The following SDK1 variants were observed in gnomAD, a reference collection of about 807,000 sequenced individuals.
SDK1 encodes protein sidekick-1.
Under a neutral mutation model 245.5 loss-of-function variants are expected in SDK1, and 157 were observed. That is an observed-to-expected ratio of 0.64 (90% CI 0.56 to 0.73). The LOEUF (loss-of-function observed/expected upper bound fraction) is 0.73. Ranked by LOEUF, SDK1 falls within the 30% of genes least tolerant of loss-of-function variation. The pLI is 0.00. For synonymous variants in SDK1, 1,647 were observed against 1,278.5 expected, an observed-to-expected ratio of 1.29 and a Z score of -6.15; for missense variants, 3,583 against 3,002.3, an observed-to-expected ratio of 1.19 and a Z score of -4.52.
intron 1 of SDK1, among the ~76,000 whole-genome samples, chr7:3,479,136 A>C (rs1359001187): frequency 2.0e-5 from 3 of 152,180 alleles, no homozygotes; most frequent in Admixed American, 2.0e-4. Flanking sequence ...TCTATTGTTC[A>C]GGCTGGGTGT....
intron 5 of SDK1, among the ~76,000 whole-genome samples, chr7:3,831,061 G>C (rs1269628409): frequency 1.3e-5 from 2 of 152,088 alleles, no homozygotes; most frequent in Admixed American, 1.3e-4. Flanking sequence ...TGAAAGATAA[G>C]GAATTTTTGG....
rs561146677 is a variant in SDK1 at position 4,131,681 on chromosome 7, C to T, written c.4130-644C>T. ...AAATGTATTTTATGAGGGCCACAAC[C>T]CTATTATTCAGCAGTTCCACCACAC... On this transcript the variant is annotated intron_variant, in intron 27 of 44. Transcript: ENST00000404826. Among the ~76,000 whole-genome samples the T allele has an allele frequency of 1.5e-3, 224 of 152,204 alleles. 2 individuals carry two copies. Among genetic ancestry groups the T allele is most frequent in the African/African-American group, 5.0e-3 (206 of 41,522 alleles).
chr7:3,481,172 A>G (rs941084539), intron 1 of SDK1, among the ~76,000 whole-genome samples: 6 of 152,156 alleles, frequency 3.9e-5, no homozygotes, highest in African/African-American at 1.4e-4. Flanking sequence ...TTAAGAGGCA[A>G]TTTAAAAAGT....
chr7:3,641,626 C>G (rs1281395340), intron 3 of SDK1, among the ~76,000 whole-genome samples: 1 of 152,218 alleles, frequency 6.6e-6, no homozygotes, highest in Non-Finnish European at 1.5e-5. Context: ...TCTGAGAAAA[C>G]TGCTTCACGT....
intron 1 of SDK1, among the ~76,000 whole-genome samples, chr7:3,397,909 T>C (rs374917438): frequency 1.3e-5 from 2 of 152,100 alleles, no homozygotes; most frequent in Non-Finnish European, 2.9e-5. Context: ...CTGCCATATA[T>C]GAGTCTGATT....
intron 4 of SDK1, among the ~76,000 whole-genome samples, chr7:3,655,792 A>C (rs1486729583): frequency 3.9e-5 from 6 of 151,904 alleles, no homozygotes; most frequent in Admixed American, 3.9e-4. Context: ...CTAGATCGAG[A>C]CTCAGAAAAC....
rs775983773 is a variant in SDK1, at chr7:4,114,229, G to A, written c.3778G>A (p.Ala1260Thr). The change falls in exon 25 of 45, where the codon GCT becomes ACT. Residue 1260 changes from alanine (A) to threonine (T), a missense_variant. Coordinates refer to ENST00000404826, the MANE Select transcript of SDK1 (RefSeq NM_152744.4). ...LQMQAFNAVG[A>T]GPWSEVVRGR... ...GATGCAGGCCTTCAACGCCGTCGGGGCTGGGCCGTGGAGCGAGGTGGTGCG... is the reference window on the plus strand; with the variant it reads ...GATGCAGGCCTTCAACGCCGTCGGGACTGGGCCGTGGAGCGAGGTGGTGCG... 1 of 1,612,898 alleles carries A rather than the reference G, an allele frequency of 6.2e-7. No homozygotes were observed. The highest frequency in any genetic ancestry group is 1.7e-5 in the Admixed American group (1 of 59,996).
intron 22 of SDK1, among the ~76,000 whole-genome samples, chr7:4,088,852 T>G (rs1398677848): frequency 1.3e-5 from 2 of 152,224 alleles, no homozygotes; most frequent in Non-Finnish European, 2.9e-5. Context: ...AAACACAGTT[T>G]GGATTGAGCT....
At chr7:3,930,905 G>A (rs796686648) in intron 5 of SDK1, among the ~76,000 whole-genome samples, 24 of 152,314 alleles carry the variant, frequency 1.6e-4, no homozygotes, top group African/African-American at 5.5e-4. Flanking sequence ...TGTATTTTCA[G>A]CATCAGTTAG....
Position 4,178,482 on chromosome 7 carries a change from C to A in SDK1, c.4997-3C>A, listed in dbSNP as rs760122054. ...CTGATCCATATTTCCTTCAACCCTG[C>A]AGATTTAAAGAAGTACCGGCGCTAT... On this transcript the variant is annotated splice_polypyrimidine_tract_variant and splice_region_variant and intron_variant, in intron 34 of 44. Transcript: ENST00000404826. 1.2e-6 allele frequency: 2 copies of A among 1,607,704 alleles called. No individual in the cohort carries two copies. The highest frequency in any genetic ancestry group is 8.5e-7 in the Non-Finnish European group (1 of 1,174,212).
intron 1 of SDK1, among the ~76,000 whole-genome samples, chr7:3,560,623 C>G (rs1779718815): frequency 2.0e-5 from 3 of 152,178 alleles, no homozygotes. Flanking sequence ...CCAGTCTCCA[C>G]ACAGCGTTGG....
At chr7:4,197,216 C>T (rs1319894606) in intron 35 of SDK1, among the ~76,000 whole-genome samples, 1 of 151,882 alleles carries the variant, frequency 6.6e-6, no homozygotes, top group Admixed American at 6.6e-5. Context: ...GCCATCCCAG[C>T]ACTTTGGGAG....
Position 4,265,146 on chromosome 7 carries a change from A to C in SDK1, c.6404A>C (p.Asp2135Ala). Residue 2135 changes from aspartate (D) to alanine (A), a missense_variant, in exon 45 of 45, where the codon GAC becomes GCC. By Grantham distance (126) the Asp-to-Ala change is moderately radical. Coordinates refer to ENST00000404826, the MANE Select transcript of SDK1 (RefSeq NM_152744.4). ...ESEATDSDYE[D>A]ALPKHSFVNH... ...CAGGCCACGGACTCTGACTACGAGG[A>C]CGCGCTGCCCAAGCACTCCTTCGTG... 6.2e-7 allele frequency: 1 copy of C among 1,612,226 alleles called. No homozygotes were observed. The highest frequency in any genetic ancestry group is 2.2e-5 in the East Asian group (1 of 44,856).
intron 1 of SDK1, among the ~76,000 whole-genome samples, chr7:3,531,474 C>G (rs1206792370): frequency 6.6e-6 from 1 of 152,136 alleles, no homozygotes; most frequent in African/African-American, 2.4e-5. Context: ...GACTTTTTCA[C>G]TGAGACCCCA....
intron 1 of SDK1, among the ~76,000 whole-genome samples, chr7:3,362,745 C>G (rs1211844159): frequency 1.3e-5 from 2 of 151,982 alleles, no homozygotes; most frequent in Non-Finnish European, 2.9e-5. Flanking sequence ...AGTTTTCTTC[C>G]CGGAAGACAT....
At position 3,972,578 on chromosome 7, in the gene SDK1, C is replaced by G. The variant is rs567115395; in HGVS notation, c.1817+1010C>G. Among the ~76,000 whole-genome samples, 11 of 152,292 alleles carry G rather than the reference C, an allele frequency of 7.2e-5. 1 individual carries two copies. The South Asian group carries it at 1.5e-3, about 20-fold the overall frequency. ...GCCTTGAAAATAAAAAAGGAAATAT[C>G]CAGTCATCAGAGTATTTCCACTCTG... is the stretch of plus-strand genomic sequence containing the variant. On this transcript the variant is annotated intron_variant, in intron 12 of 44. Coordinates refer to ENST00000404826, the MANE Select transcript of SDK1 (RefSeq NM_152744.4).
intron 25 of SDK1, among the ~76,000 whole-genome samples, chr7:4,124,705 A>G (rs925100862): frequency 6.6e-6 from 1 of 152,250 alleles, no homozygotes; most frequent in African/African-American, 2.4e-5. Context: ...ATTAAATGTC[A>G]TAGGTTGCAT....
chr7:3,667,556 A>G (rs1770704829), intron 4 of SDK1, among the ~76,000 whole-genome samples: 1 of 152,222 alleles, frequency 6.6e-6, no homozygotes, highest in Non-Finnish European at 1.5e-5. Flanking sequence ...TAAAATATAA[A>G]ATAGTTCTAT....
Position 3,498,140 on chromosome 7 carries a change from T to C in SDK1, c.299-120940T>C. 1.3e-5 allele frequency among the ~76,000 whole-genome samples: 2 copies of C among 152,212 alleles called. 1 individual carries two copies. The highest frequency in any genetic ancestry group is 3.8e-4 in the East Asian group (2 of 5,196). ...TTTATTCTTAAAACTAATTTGGGCC[T>C]CTTTGTAAAATTCAGCCAACTTCTT... On this transcript the variant is annotated intron_variant, in intron 1 of 44. Transcript: ENST00000404826.
Sources: gnomAD v4.1 joint callset for allele counts (sites outside exome capture counted in the v4.1 genomes callset) on GRCh38, gnomAD v4.1.1 for gene constraint, MANE v1.5 for transcripts, NCBI Gene and HGNC (gene_info 2026-07-23, HGNC 2026-07-21) for gene names.